Variants in CCAR1 observed in about 807,000 individuals in gnomAD.
CCAR1 encodes cell division cycle and apoptosis regulator 1, also known as cell division cycle and apoptosis regulator protein 1.
CCAR1 carries 78 observed loss-of-function variants against 163.8 expected under a neutral mutation model. The ratio of observed to expected loss-of-function variants is 0.48; its 90% CI spans 0.40 to 0.57. The LOEUF (loss-of-function observed/expected upper bound fraction) is 0.57, where lower values mean the gene tolerates loss of function less well. Among genes scored for constraint, CCAR1 ranks in the 20% least tolerant of loss-of-function variants. CCAR1 has a pLI of 0.00. For missense variants in CCAR1, 1,019 were observed against 1,365.2 expected (o/e 0.75, Z 4.00); for synonymous variants, 443 against 460.7 (o/e 0.96, Z 0.49).
At chr10:68,767,631 G>A (rs1489295397) in intron 17 of CCAR1, among the ~76,000 whole-genome samples, 1 of 152,218 alleles carries the variant, frequency 6.6e-6, no homozygotes, top group South Asian at 2.1e-4. Flanking sequence ...TGCAACCTCC[G>A]CCTCCCAGGT....
chr10:68,771,911 G>T (rs2133399758), intron 18 of CCAR1, among the ~76,000 whole-genome samples: 1 of 151,886 alleles, frequency 6.6e-6, no homozygotes, highest in East Asian at 1.9e-4. Flanking sequence ...CTGTTGACCA[G>T]GCTTGCTGAA....
chr10:68,740,588 G>C, intron 4 of CCAR1, 41 bp from the exon 5 acceptor site: 1 of 1,566,176 alleles, frequency 6.4e-7, no homozygotes, highest in African/African-American at 1.4e-5. Context: ...CAACAATTCT[G>C]ATTGACCCTT....
At chr10:68,790,349 C>T (rs1297443197) in intron 24 of CCAR1, among the ~76,000 whole-genome samples, 1 of 147,972 alleles carries the variant, frequency 6.8e-6, no homozygotes, top group Admixed American at 6.8e-5. Flanking sequence ...AACTAGACCC[C>T]ATCTTAAAAA....
chr10:68,740,596 CT>C, intron 4 of CCAR1, 32 bp from the exon 5 acceptor site: 1 of 1,594,980 alleles, frequency 6.3e-7, no homozygotes, highest in East Asian at 2.2e-5. Context: ...CTGATTGACC[CT>C]TTTCTGTGTG....
chr10:68,759,654 G>A (rs1280818720), intron 15 of CCAR1, among the ~76,000 whole-genome samples: 1 of 151,828 alleles, frequency 6.6e-6, no homozygotes, highest in African/African-American at 2.4e-5. Context: ...AACTTGGAAG[G>A]TCAATGCTGC....
intron 16 of CCAR1, among the ~76,000 whole-genome samples, chr10:68,763,340 G>C (rs1482095069): frequency 6.6e-6 from 1 of 151,860 alleles, no homozygotes; most frequent in Admixed American, 6.6e-5. Flanking sequence ...TAGTAGAGAC[G>C]GGGTTTTGTC....
intron 17 of CCAR1, among the ~76,000 whole-genome samples, chr10:68,767,419 C>T (rs560115333): frequency 6.6e-6 from 1 of 151,958 alleles, no homozygotes; most frequent in South Asian, 2.1e-4. Flanking sequence ...AGGCATCTGC[C>T]ACAATGCCTG....
At chr10:68,737,278 G>A (rs2056123461) in intron 3 of CCAR1, among the ~76,000 whole-genome samples, 1 of 152,074 alleles carries the variant, frequency 6.6e-6, no homozygotes. Flanking sequence ...GCTGAGGTGG[G>A]AGGATCGTCT....
At chr10:68,787,358 G>T (rs942606362) in intron 21 of CCAR1, among the ~76,000 whole-genome samples, 4 of 151,598 alleles carry the variant, frequency 2.6e-5, no homozygotes, top group Non-Finnish European at 2.9e-5. Context: ...CCATTATACA[G>T]ATGTACCATA....
At chr10:68,728,595 G>C (rs951360082) in intron 2 of CCAR1, among the ~76,000 whole-genome samples, 1 of 152,190 alleles carries the variant, frequency 6.6e-6, no homozygotes, top group African/African-American at 2.4e-5. Flanking sequence ...GCTGTCATCT[G>C]TTAGGACATT....
At position 68,756,102 on chromosome 10, in the gene CCAR1, A is replaced by G. The variant is rs192332011; in HGVS notation, c.1626-171A>G. On this transcript the variant is annotated intron_variant, in intron 13 of 24. Coordinates refer to ENST00000265872, the MANE Select transcript of CCAR1 (RefSeq NM_018237.4). The surrounding 1 kb of genome is among the most constrained non-coding windows in gnomAD (Gnocchi z 5.1). ...ATATTCTTCCTTTAACTTATTAAATATTGTACAAATGTACCAAAAGAGGAA... is the reference window on the plus strand; with the variant it reads ...ATATTCTTCCTTTAACTTATTAAATGTTGTACAAATGTACCAAAAGAGGAA... 1.3e-5 allele frequency among the ~76,000 whole-genome samples: 2 copies of G among 152,310 alleles called. No individual in the cohort carries two copies. Among genetic ancestry groups the G allele is most frequent in the South Asian group, 2.1e-4 (1 of 4,820 alleles).
chr10:68,761,239 T>A, intron 16 of CCAR1, 47 bp downstream of exon 16: 2 of 1,076,092 alleles, frequency 1.9e-6, no homozygotes, highest in Non-Finnish European at 2.5e-6. Context: ...AATATTCATG[T>A]ATAGGGTGTT....
intron 2 of CCAR1, among the ~76,000 whole-genome samples, chr10:68,729,234 C>T (rs898716446): frequency 8.0e-5 from 12 of 150,864 alleles, no homozygotes; most frequent in African/African-American, 2.4e-4. Context: ...TGTAGCCAGG[C>T]GTGGTGACTT....
At chr10:68,754,931 A>G in intron 12 of CCAR1, 104 bp downstream of exon 12, 1 of 667,730 alleles carries the variant, frequency 1.5e-6, no homozygotes, top group Non-Finnish European at 2.6e-6. Context: ...TTGTTGATTA[A>G]TGAGTAATTT....
intron 2 of CCAR1, among the ~76,000 whole-genome samples, chr10:68,722,805 C>T (rs1299941827): frequency 6.6e-6 from 1 of 152,050 alleles, no homozygotes; most frequent in African/African-American, 2.4e-5. Flanking sequence ...GCCCATAATC[C>T]TAGCTACTCA....
chr10:68,748,362 C>CG (rs1681177077), intron 8 of CCAR1, among the ~76,000 whole-genome samples: 1 of 151,734 alleles, frequency 6.6e-6, no homozygotes, highest in Non-Finnish European at 1.5e-5. Flanking sequence ...ATCACGCCAT[C>CG]GCACTTCAGT....
rs80108495 is a variant in CCAR1, at chr10:68,768,638, A to G, written c.2298+2559A>G. On this transcript the variant is annotated intron_variant, in intron 17 of 24. Transcript: ENST00000265872. ...AAAATAAAAAAAGTAAGCAGTTGCC[A>G]TAAATTGAAGTAATTCCTAATAGTG... 5.6e-3 allele frequency among the ~76,000 whole-genome samples: 858 copies of G among 152,250 alleles called. 7 individuals are homozygous for G. Among genetic ancestry groups the G allele is most frequent in the South Asian group, 0.039 (186 of 4,826 alleles).
In CCAR1 at chr10:68,771,189, T is replaced by C. The variant is rs1199904193; in HGVS notation, c.2299-17T>C. Reference sequence around the variant, plus strand: ...CTGTTGAAATTTGGCTAGGTTCATGTTGATATCTTTTTATAGGTTTCATTG... The same window carrying C: ...CTGTTGAAATTTGGCTAGGTTCATGCTGATATCTTTTTATAGGTTTCATTG... On this transcript the variant is annotated splice_polypyrimidine_tract_variant and intron_variant, in intron 17 of 24. Coordinates refer to ENST00000265872, the MANE Select transcript of CCAR1 (RefSeq NM_018237.4). The C allele has an allele frequency of 3.2e-6, 5 of 1,570,076 alleles. No individual in the cohort carries two copies. Among genetic ancestry groups the C allele is most frequent in the Non-Finnish European group, 4.3e-6 (5 of 1,164,472 alleles).
chr10:68,749,108 A>G lies in CCAR1; in HGVS notation c.827-28A>G, dbSNP rs752271484. On this transcript the variant is annotated intron_variant, in intron 8 of 24. Transcript: ENST00000265872. ...CCTTCGAACTTTGTTTAGACACGCT[A>G]AACGTTTTTTTCTTTTATCTTTTAA... 19 of 1,612,860 alleles carry G rather than the reference A, an allele frequency of 1.2e-5. No homozygotes were observed. The South Asian group carries it at 1.8e-4, about 15-fold the overall frequency.
Sources: gnomAD v4.1 joint callset for allele counts (sites outside exome capture counted in the v4.1 genomes callset) on GRCh38, gnomAD v4.1.1 for gene constraint, Gnocchi (gnomAD v3.1) non-coding constraint, MANE v1.5 for transcripts, NCBI Gene and HGNC (gene_info 2026-07-23, HGNC 2026-07-21) for gene names.